The following AIG1 variants were observed in gnomAD, a reference collection of about 807,000 sequenced individuals.
AIG1 encodes androgen induced 1.
In AIG1, 23 loss-of-function variants were observed where a neutral mutation model predicts 31.4. The observed-to-expected ratio is 0.73, with a 90% CI of 0.53 to 1.04. AIG1 has a LOEUF of 1.04. AIG1 is among the 50% of genes least tolerant of loss of function. The probability of loss-of-function intolerance (pLI) is 0.00; values close to 1 mark genes in which losing one functional copy is unlikely to be tolerated. For synonymous variants in AIG1, 100 were observed against 110.5 expected (o/e 0.90, Z 0.60); for missense variants, 274 against 295.0 (o/e 0.93, Z 0.52).
At chr6:143,322,214 G>A (rs1485397806) in intron 4 of AIG1, among the ~76,000 whole-genome samples, 1 of 152,188 alleles carries the variant, frequency 6.6e-6, no homozygotes. Context: ...TCATGGCTGG[G>A]ATATCAGGAC....
intron 3 of AIG1, among the ~76,000 whole-genome samples, chr6:143,271,730 G>C (rs1254049416): frequency 6.6e-6 from 1 of 152,110 alleles, no homozygotes; most frequent in Non-Finnish European, 1.5e-5. Context: ...GTGAATACGC[G>C]GCTTAAATTT....
intron 3 of AIG1, among the ~76,000 whole-genome samples, chr6:143,210,025 A>G (rs146880429): frequency 1.4e-3 from 216 of 152,236 alleles, no homozygotes; most frequent in African/African-American, 4.9e-3. Context: ...AGTTCCCATA[A>G]TCCCCACGTG....
intron 3 of AIG1, among the ~76,000 whole-genome samples, chr6:143,281,917 T>C (rs17072423): frequency 0.039 from 5,907 of 152,288 alleles, 383 homozygotes; most frequent in African/African-American, 0.13. Context: ...TGCTCCTGTT[T>C]AGTGGTGATG....
intron 2 of AIG1, among the ~76,000 whole-genome samples, chr6:143,161,068 T>A (rs1786329743): frequency 6.6e-6 from 1 of 152,080 alleles, no homozygotes. Context: ...TAGGGAAAAA[T>A]AACTGATTCA....
At position 143,189,037 on chromosome 6, in the gene AIG1, A is replaced by C. The variant is rs377026526; in HGVS notation, c.399+23854A>C. 1.2e-4 allele frequency: 122 copies of C among 980,846 alleles called. 1 individual carries two copies. In the East Asian group the frequency reaches 5.1e-3, roughly 41 times the overall value. 60.8% of individuals were successfully genotyped at this position (980,846 alleles called of 1,614,324 possible). A position where few individuals can be genotyped will look rare whatever the true frequency, so the allele number is the denominator to read the frequency against. ...GTTTGCACAACTGTTCACATTTTTA[A>C]CTTTTTTTATTTTTTGGAGACTTTT... is the stretch of plus-strand genomic sequence containing the variant. On this transcript the variant is annotated intron_variant, in intron 3 of 5. Transcript: ENST00000357847.
intron 4 of AIG1, among the ~76,000 whole-genome samples, chr6:143,287,049 C>G (rs1336914069): frequency 6.6e-6 from 1 of 151,954 alleles, no homozygotes; most frequent in Admixed American, 6.6e-5. Flanking sequence ...CCATGTTTCT[C>G]TTTCCCCCAG....
At chr6:143,242,029 A>G (rs1794278684) in intron 3 of AIG1, among the ~76,000 whole-genome samples, 1 of 152,182 alleles carries the variant, frequency 6.6e-6, no homozygotes, top group Admixed American at 6.5e-5. Flanking sequence ...GATAAGGGAT[A>G]CTCAACCTGT....
intron 1 of AIG1, among the ~76,000 whole-genome samples, chr6:143,123,681 G>A (rs1254640894): frequency 6.6e-6 from 1 of 151,782 alleles, no homozygotes; most frequent in Admixed American, 6.6e-5. Flanking sequence ...TTTATCTATG[G>A]TTGAGTCTGT....
Position 143,215,695 on chromosome 6 carries a change from T to A in AIG1, c.399+50512T>A, listed in dbSNP as rs1056452903. On this transcript the variant is annotated intron_variant, in intron 3 of 5. Coordinates refer to ENST00000357847, the MANE Select transcript of AIG1 (RefSeq NM_016108.4). ...ATGACCTAGAAGATCCTAGCACCCA[T>A]GTGCTAGGATATCAAAGCAAAAAGA... Among the ~76,000 whole-genome samples, 5 of 152,224 alleles carry A rather than the reference T, an allele frequency of 3.3e-5. No homozygotes were observed. In the East Asian group the frequency reaches 9.7e-4, roughly 29 times the overall value.
chr6:143,301,786 G>A (rs1393783564), intron 4 of AIG1, among the ~76,000 whole-genome samples: 2 of 152,088 alleles, frequency 1.3e-5, no homozygotes. Context: ...ATTTGGGTGG[G>A]AACACAGAGC....
upstream of AIG1, among the ~76,000 whole-genome samples, chr6:143,059,626 TG>T (rs553687607): frequency 2.3e-3 from 350 of 152,324 alleles, 3 homozygotes; most frequent in African/African-American, 8.0e-3. Context: ...AAAAATCTAG[TG>T]GGTCTCTTCA....
In AIG1 at chr6:143,293,192, C is replaced by A. The variant is rs1261152983; in HGVS notation, c.515+8967C>A. 6.6e-6 allele frequency among the ~76,000 whole-genome samples: 1 copy of A among 152,012 alleles called. No homozygotes were observed. The highest frequency in any genetic ancestry group is 1.5e-5 in the Non-Finnish European group (1 of 67,958). ...AGACCCTAGGAGAAAGGCTCATTTTCTTTTTTTCTCTCTCTCTCTTCCCCG... is the reference window on the plus strand; with the variant it reads ...AGACCCTAGGAGAAAGGCTCATTTTATTTTTTTCTCTCTCTCTCTTCCCCG... On this transcript the variant is annotated intron_variant, in intron 4 of 5. Coordinates refer to ENST00000357847, the MANE Select transcript of AIG1 (RefSeq NM_016108.4). This position sits in a 1 kb window ranked among gnomAD's most constrained non-coding sequence, Gnocchi z 4.8.
chr6:143,109,857 C>A (rs1017655137), intron 1 of AIG1, among the ~76,000 whole-genome samples: 11 of 152,148 alleles, frequency 7.2e-5, no homozygotes, highest in African/African-American at 2.7e-4. Context: ...ATCTTTTGAT[C>A]AACTGAAGTT....
At chr6:143,218,733 A>G (rs1792231216) in intron 3 of AIG1, among the ~76,000 whole-genome samples, 1 of 152,148 alleles carries the variant, frequency 6.6e-6, no homozygotes, top group Non-Finnish European at 1.5e-5. Flanking sequence ...AAAAGGTAAA[A>G]ATGAAGGACG....
chr6:143,123,156 C>T (rs964829145), intron 1 of AIG1, among the ~76,000 whole-genome samples: 1 of 152,160 alleles, frequency 6.6e-6, no homozygotes, highest in Non-Finnish European at 1.5e-5. Context: ...AGTCAGGTCC[C>T]CTCCCACTCC....
At chr6:143,271,042 A>T (rs966516832) in intron 3 of AIG1, among the ~76,000 whole-genome samples, 1 of 152,188 alleles carries the variant, frequency 6.6e-6, no homozygotes, top group Non-Finnish European at 1.5e-5. Context: ...TTTCGATTAC[A>T]CTCAGACTAG....
chr6:143,124,167 A>G (rs1411291909), intron 1 of AIG1, among the ~76,000 whole-genome samples: 1 of 152,228 alleles, frequency 6.6e-6, no homozygotes, highest in Non-Finnish European at 1.5e-5. Context: ...TCTGTTCCTT[A>G]GCAGACTGGA....
At chr6:143,210,498 G>A (rs17072316) in intron 3 of AIG1, among the ~76,000 whole-genome samples, 2,194 of 152,302 alleles carry the variant, frequency 0.014, 59 homozygotes, top group African/African-American at 0.05. Context: ...ACCTGAAGGA[G>A]TAGTAGATGT....
chr6:143,196,350 A>AAC (rs71784011), intron 3 of AIG1, among the ~76,000 whole-genome samples: 8,592 of 141,562 alleles, frequency 0.061, 306 homozygotes, highest in Admixed American at 0.14. Flanking sequence ...CAACAAAAGC[A>AAC]ACACACACAC....
Sources: gnomAD v4.1 joint callset for allele counts (sites outside exome capture counted in the v4.1 genomes callset) on GRCh38, gnomAD v4.1.1 for gene constraint, Gnocchi (gnomAD v3.1) non-coding constraint, MANE v1.5 for transcripts, NCBI Gene and HGNC (gene_info 2026-07-23, HGNC 2026-07-21) for gene names.